The following KMT2C variants were observed in gnomAD, a reference collection of about 807,000 sequenced individuals.
KMT2C encodes histone-lysine N-methyltransferase 2C.
A neutral mutation model predicts 507.9 loss-of-function variants in KMT2C; 88 were observed. The ratio of observed to expected loss-of-function variants is 0.17; its 90% CI spans 0.15 to 0.21. KMT2C has a LOEUF of 0.21. Among genes scored for constraint, KMT2C ranks in the 10% least tolerant of loss-of-function variants. KMT2C has a pLI of 1.00. For missense variants in KMT2C, 4,954 were observed against 5,957.8 expected (o/e 0.83, Z 5.55); for synonymous variants, 2,049 against 2,080.8 (o/e 0.98, Z 0.42).
chr7:152,375,626 T>G (rs1216914673), intron 1 of KMT2C, among the ~76,000 whole-genome samples: 1 of 152,018 alleles, frequency 6.6e-6, no homozygotes, highest in Non-Finnish European at 1.5e-5. Flanking sequence ...CCTCAGGTGA[T>G]CCACCCGCCT....
At chr7:152,213,101 T>C (rs1178070396) in intron 23 of KMT2C, among the ~76,000 whole-genome samples, 1 of 152,220 alleles carries the variant, frequency 6.6e-6, no homozygotes, top group East Asian at 1.9e-4. Flanking sequence ...ATCCCCATGT[T>C]TGTAGATTGG....
chr7:152,181,653 A>G lies in KMT2C; in HGVS notation c.6207T>C (p.Val2069=). The G allele has an allele frequency of 1.9e-6, 3 of 1,614,150 alleles. No homozygotes were observed. Among genetic ancestry groups the G allele is most frequent in the Non-Finnish European group, 2.5e-6 (3 of 1,180,000 alleles). The change falls in exon 36 of 59, where the codon GTT becomes GTC. Residue 2069 remains valine, a synonymous_variant. Transcript: ENST00000262189. ...TCAAAGCAGGCCTTTCATAAGGGTC[A>G]ACAGACAATCGCCTTGATGCCTGTG... ...SVSQASRRLS[V]DPYERPALTP...
In KMT2C at chr7:152,252,027, C is replaced by T; in HGVS notation, c.1533G>A (p.Glu511=). 1 of 1,612,938 alleles carries T rather than the reference C, an allele frequency of 6.2e-7. No individual in the cohort carries two copies. Among genetic ancestry groups the T allele is most frequent in the Non-Finnish European group, 8.5e-7 (1 of 1,179,362 alleles). Residue 511 remains glutamate (E), a synonymous_variant, in exon 11 of 59, where the codon GAG becomes GAA. Coordinates refer to ENST00000262189, the MANE Select transcript of KMT2C (RefSeq NM_170606.3). ...DHELDTQLKE[E]YICMYCKHLG... ...GGTGTTTACAATACATGCAGATATA[C>T]TCTTCTTTGAGCTGAGTATCCAGTT...
intron 6 of KMT2C, among the ~76,000 whole-genome samples, chr7:152,286,435 T>C (rs74653128): frequency 6.6e-6 from 1 of 152,226 alleles, no homozygotes; most frequent in African/African-American, 2.4e-5. Context: ...CAAAACATTA[T>C]TATATACATG....
intron 1 of KMT2C, among the ~76,000 whole-genome samples, chr7:152,419,997 T>C (rs1313528915): frequency 2.0e-5 from 3 of 152,248 alleles, no homozygotes; most frequent in African/African-American, 7.2e-5. Context: ...CTTCCTTCTC[T>C]AAGCTTCCTC....
intron 34 of KMT2C, among the ~76,000 whole-genome samples, chr7:152,184,014 G>A (rs898011842): frequency 2.0e-5 from 3 of 150,604 alleles, no homozygotes; most frequent in African/African-American, 7.3e-5. Flanking sequence ...AGAGGTTGCA[G>A]TGAGCCGAGA....
intron 6 of KMT2C, among the ~76,000 whole-genome samples, chr7:152,275,820 T>G (rs1392283311): frequency 2.0e-5 from 3 of 152,350 alleles, no homozygotes; most frequent in African/African-American, 7.2e-5. Flanking sequence ...TTAACATAAC[T>G]AATTTCTGCT....
intron 3 of KMT2C, among the ~76,000 whole-genome samples, chr7:152,323,556 C>A (rs1402774922): frequency 2.0e-5 from 3 of 150,478 alleles, no homozygotes; most frequent in African/African-American, 7.3e-5. Context: ...GGAGGATTGC[C>A]TGAGCCCAGG....
chr7:152,431,121 G>T (rs1177151659), intron 1 of KMT2C, among the ~76,000 whole-genome samples: 1 of 151,974 alleles, frequency 6.6e-6, no homozygotes, highest in African/African-American at 2.4e-5. Flanking sequence ...TGTCAGAATG[G>T]GAAAACAAAT....
At chr7:152,315,011 T>A (rs1238112336) in intron 4 of KMT2C, 127 bp downstream of exon 4, 7 of 744,978 alleles carry the variant, frequency 9.4e-6, no homozygotes, top group Non-Finnish European at 1.5e-5. Context: ...GAGTATCCCA[T>A]AAATGTGGAG....
intron 2 of KMT2C, among the ~76,000 whole-genome samples, chr7:152,345,800 T>C (rs2097052966): frequency 6.6e-6 from 1 of 152,144 alleles, no homozygotes; most frequent in African/African-American, 2.4e-5. Context: ...TGATTCCAGG[T>C]ATGAGCCACC....
chr7:152,155,996 C>T lies in KMT2C; in HGVS notation c.11874G>A (p.Leu3958=). 1 of 1,609,986 alleles carries T rather than the reference C, an allele frequency of 6.2e-7. No homozygotes were observed. Among genetic ancestry groups the T allele is most frequent in the South Asian group, 1.1e-5 (1 of 90,292 alleles). Residue 3958 remains leucine, a synonymous_variant, in exon 46 of 59, where the codon TTG becomes TTA. Transcript: ENST00000262189. ...QLPFRPQDDL[L]ARALAQGPKT... ...TGGGGCCCTGAGCAAGAGCTCGGGC[C>T]AACAAGTCGTCCTGGGGTCTGAAGG...
Position 152,137,028 on chromosome 7 carries a change from T to TA in KMT2C, c.14644-105dup, listed in dbSNP as rs2089933119. The TA allele has an allele frequency of 3.6e-6, 3 of 841,320 alleles. No homozygotes were observed. In the Admixed American group the frequency reaches 6.1e-5, roughly 17 times the overall value. 52.1% of individuals were successfully genotyped at this position (841,320 alleles called of 1,614,324 possible). A position where few individuals can be genotyped will look rare whatever the true frequency, so the allele number is the denominator to read the frequency against. Reference sequence around the variant, plus strand: ...TTAAAACCAGCAAACGAAACAGACGTAAATTAAGGAAGACCTGATTTATTG... The same window carrying TA: ...TTAAAACCAGCAAACGAAACAGACGTAAAATTAAGGAAGACCTGATTTATTG... On this transcript the variant is annotated intron_variant, in intron 58 of 58. Transcript: ENST00000262189.
chr7:152,252,420 A>G (rs1011572790), intron 10 of KMT2C, 126 bp downstream of exon 10: 16 of 729,766 alleles, frequency 2.2e-5, no homozygotes, highest in Non-Finnish European at 2.9e-5. Context: ...TTCCATCTAT[A>G]ACAGCAATCA....
chr7:152,354,632 G>C (rs1337693115), intron 2 of KMT2C, among the ~76,000 whole-genome samples: 1 of 152,188 alleles, frequency 6.6e-6, no homozygotes, highest in Non-Finnish European at 1.5e-5. Context: ...AGACTTGACT[G>C]AAGTAAGGGA....
At chr7:152,353,326 G>A (rs898924205) in intron 2 of KMT2C, among the ~76,000 whole-genome samples, 3 of 152,194 alleles carry the variant, frequency 2.0e-5, no homozygotes, top group Non-Finnish European at 2.9e-5. Context: ...TCGGGAGGCT[G>A]AGGCAGAGAA....
At chr7:152,298,904 T>TG (rs1402423509) in intron 6 of KMT2C, among the ~76,000 whole-genome samples, 1 of 152,190 alleles carries the variant, frequency 6.6e-6, no homozygotes, top group Admixed American at 6.5e-5. Context: ...TTATTATAGA[T>TG]GAAGTGTACA....
At chr7:152,254,380 T>C (rs1169082135) in intron 9 of KMT2C, among the ~76,000 whole-genome samples, 5 of 152,118 alleles carry the variant, frequency 3.3e-5, no homozygotes, top group Non-Finnish European at 5.9e-5. Flanking sequence ...AAATAATAAC[T>C]ATGCCCAGGT....
At chr7:152,381,882 ATCCTTTTCTATTACCAATG>A (rs1174521850) in intron 1 of KMT2C, among the ~76,000 whole-genome samples, 1 of 152,102 alleles carries the variant, frequency 6.6e-6, no homozygotes, top group African/African-American at 2.4e-5. Flanking sequence ...ATTTCAACGG[ATCCTTTTCTATTACCAATG>A]TATCATCTGA....
Sources: gnomAD v4.1 joint callset for allele counts (sites outside exome capture counted in the v4.1 genomes callset) on GRCh38, gnomAD v4.1.1 for gene constraint, MANE v1.5 for transcripts, NCBI Gene and HGNC (gene_info 2026-07-23, HGNC 2026-07-21) for gene names.